The following FAM120B variants were observed in gnomAD, a reference collection of about 807,000 sequenced individuals.
FAM120B encodes constitutive coactivator of peroxisome proliferator-activated receptor gamma.
FAM120B carries 83 observed loss-of-function variants against 96.3 expected under a neutral mutation model. That is an observed-to-expected ratio of 0.86 (90% CI 0.72 to 1.03). The LOEUF is 1.03. FAM120B is among the 50% of genes least tolerant of loss of function. FAM120B has a pLI of 0.00. For missense variants in FAM120B, 1,027 were observed against 1,121.2 expected, an observed-to-expected ratio of 0.92 and a Z score of 1.20; for synonymous variants, 407 against 402.7, an observed-to-expected ratio of 1.01 and a Z score of -0.13.
At chr6:170,403,759 G>A (rs955977358) in intron 9 of FAM120B, among the ~76,000 whole-genome samples, 8 of 152,230 alleles carry the variant, frequency 5.3e-5, no homozygotes, top group African/African-American at 1.4e-4. Flanking sequence ...TCACTTCTCT[G>A]TGGTGATTCT....
intron 1 of FAM120B, among the ~76,000 whole-genome samples, chr6:170,307,593 G>C (rs977096408): frequency 2.0e-5 from 3 of 152,216 alleles, no homozygotes; most frequent in Non-Finnish European, 4.4e-5. Context: ...GAAGGTTTCA[G>C]AGTCTTGACA....
chr6:170,317,972 C>T lies in FAM120B; in HGVS notation c.582C>T (p.Ser194=), dbSNP rs763980124. 1.3e-5 allele frequency: 21 copies of T among 1,613,706 alleles called. No homozygotes were observed. The highest frequency in any genetic ancestry group is 8.8e-5 in the South Asian group (8 of 91,060). The part of the protein sequence containing the change: ...IYDTCPYFSI[S]ELCLESLDTV... Reference sequence around the variant, plus strand: ...ACACTTGTCCCTACTTTTCAATTAGCGAGCTCTGCCTAGAGAGCCTGGACA... The same window carrying T: ...ACACTTGTCCCTACTTTTCAATTAGTGAGCTCTGCCTAGAGAGCCTGGACA... The change falls in exon 2 of 11, where the codon AGC becomes AGT. Residue 194 remains serine, a synonymous_variant. Coordinates refer to ENST00000476287, the MANE Select transcript of FAM120B (RefSeq NM_032448.3).
upstream of FAM120B, among the ~76,000 whole-genome samples, chr6:170,293,167 TGTGCTGGGGGCTGGGGGTGGGGGTGAGGG>T (rs756522272): frequency 3.6e-4 from 55 of 152,120 alleles, no homozygotes; most frequent in Non-Finnish European, 7.6e-4. Flanking sequence ...AGCTGTTCCC[TGTGCTGGGGGCTGGGGGTGGGGGTGAGGG>T]TAGGTGAAAG....
chr6:170,378,602 G>T (rs565138351), intron 6 of FAM120B, among the ~76,000 whole-genome samples: 1 of 152,362 alleles, frequency 6.6e-6, no homozygotes, highest in African/African-American at 2.4e-5. Context: ...GCCTAGAGGG[G>T]GAAGAGACAG....
intron 6 of FAM120B, among the ~76,000 whole-genome samples, chr6:170,359,017 T>G (rs1247114548): frequency 6.6e-6 from 1 of 152,214 alleles, no homozygotes; most frequent in Non-Finnish European, 1.5e-5. Context: ...GGTTATTGGT[T>G]TATCCATAGC....
intron 8 of FAM120B, among the ~76,000 whole-genome samples, chr6:170,394,773 C>T (rs1331672482): frequency 3.3e-5 from 5 of 152,226 alleles, no homozygotes. Flanking sequence ...GCCACTCTTC[C>T]CTCATAGCTA....
rs2115026372 is a variant in FAM120B, at chr6:170,318,820, C to T, written c.1430C>T (p.Thr477Ile). Reference protein sequence around the residue: ...PESRQEVPMYTGPESRQEVLI... With the variant: ...PESRQEVPMYIGPESRQEVLI... ...TCCAGGCAAGAAGTTCCCATGTATA[C>T]AGGCCCTGAATCCAGGCAAGAAGTT... The change falls in exon 2 of 11, where the codon ACA becomes ATA. Residue 477 changes from threonine (T) to isoleucine (I), a missense_variant. Physicochemically the swap from Thr to Ile is moderately conservative, Grantham distance 89. Around this residue, in one of 3 missense-constraint regions of FAM120B, gnomAD observed 880 missense variants for 980.9 expected, o/e 0.90. Coordinates refer to ENST00000476287, the MANE Select transcript of FAM120B (RefSeq NM_032448.3). 6.2e-7 allele frequency: 1 copy of T among 1,614,222 alleles called. No homozygotes were observed. The highest frequency in any genetic ancestry group is 8.5e-7 in the Non-Finnish European group (1 of 1,180,046).
upstream of FAM120B, among the ~76,000 whole-genome samples, chr6:170,293,717 C>T (rs1562501541): frequency 6.6e-6 from 1 of 151,324 alleles, no homozygotes; most frequent in African/African-American, 2.4e-5. Context: ...CACCTCCTTC[C>T]TCTTCTTCCT....
chr6:170,378,831 G>A (rs1435281513), intron 6 of FAM120B, among the ~76,000 whole-genome samples: 1 of 152,224 alleles, frequency 6.6e-6, no homozygotes, highest in Non-Finnish European at 1.5e-5. Flanking sequence ...CCTTTATTTG[G>A]CCACATTAAA....
Position 170,318,249 on chromosome 6 carries a change from A to T in FAM120B, c.859A>T (p.Ile287Leu). Residue 287 changes from isoleucine to leucine, a missense_variant, in exon 2 of 11, where the codon ATA (isoleucine) becomes TTA (leucine). Ile to Leu is a conservative substitution (Grantham distance 5, BLOSUM62 2). Around this residue, in one of 3 missense-constraint regions of FAM120B, gnomAD observed 880 missense variants for 980.9 expected, o/e 0.90. Transcript: ENST00000476287. ...LYQGEKKLEE[I>L]LPLGPNKALF... ...TCAAGGTGAGAAAAAATTAGAAGAGATATTACCTCTGGGACCAAACAAAGC... is the reference window on the plus strand; with the variant it reads ...TCAAGGTGAGAAAAAATTAGAAGAGTTATTACCTCTGGGACCAAACAAAGC... 6.2e-7 allele frequency: 1 copy of T among 1,613,990 alleles called. No individual in the cohort carries two copies. Among genetic ancestry groups the T allele is most frequent in the Non-Finnish European group, 8.5e-7 (1 of 1,179,994 alleles).
In FAM120B at chr6:170,405,043, C is replaced by G. The variant is rs536070690; in HGVS notation, c.*292C>G. On this transcript the variant is annotated 3_prime_UTR_variant, in exon 11 of 11. Coordinates refer to ENST00000476287, the MANE Select transcript of FAM120B (RefSeq NM_032448.3). ...TTTCATTCATATATATGATGCCTAG[C>G]TAATTTCATTTTAAAATAAATGGGA... is the stretch of plus-strand genomic sequence containing the variant. 1.2e-4 allele frequency: 20 copies of G among 160,292 alleles called. No individual in the cohort carries two copies. Among genetic ancestry groups the G allele is most frequent in the Non-Finnish European group, 2.6e-4 (19 of 73,534 alleles). The allele number at this position is 160,292 out of a possible 1,614,324, so 9.9% of individuals were successfully genotyped here.
At chr6:170,400,711 A>G (rs979239691) in intron 9 of FAM120B, among the ~76,000 whole-genome samples, 2 of 152,208 alleles carry the variant, frequency 1.3e-5, no homozygotes, top group African/African-American at 4.8e-5. Flanking sequence ...CTTAATATTT[A>G]TGTCAAACTA....
chr6:170,354,026 A>G (rs1013774389), intron 5 of FAM120B, among the ~76,000 whole-genome samples: 3 of 152,244 alleles, frequency 2.0e-5, no homozygotes, highest in Non-Finnish European at 4.4e-5. Flanking sequence ...AAACTATTCT[A>G]CAAGGCTACC....
intron 6 of FAM120B, among the ~76,000 whole-genome samples, chr6:170,381,209 G>C (rs1789881045): frequency 6.6e-6 from 1 of 152,074 alleles, no homozygotes; most frequent in Admixed American, 6.6e-5. Flanking sequence ...GATAAGGCAG[G>C]GGATATTACT....
intron 1 of FAM120B, among the ~76,000 whole-genome samples, chr6:170,301,381 G>C (rs1784138052): frequency 6.6e-6 from 1 of 152,254 alleles, no homozygotes; most frequent in Non-Finnish European, 1.5e-5. Context: ...CCTGGGCCTT[G>C]CCCAAGAAAC....
At chr6:170,399,314 T>A (rs1216311834) in intron 9 of FAM120B, among the ~76,000 whole-genome samples, 5 of 148,596 alleles carry the variant, frequency 3.4e-5, no homozygotes, top group African/African-American at 1.0e-4. Flanking sequence ...GTCATAACTC[T>A]TAGGAGTGAG....
At chr6:170,367,872 T>C (rs1030939684) in intron 6 of FAM120B, among the ~76,000 whole-genome samples, 15 of 152,216 alleles carry the variant, frequency 9.9e-5, no homozygotes, top group African/African-American at 3.6e-4. Flanking sequence ...TTCCACCTAA[T>C]TCTCCTACAC....
At chr6:170,291,193 T>G (rs1783861476), upstream of FAM120B, 1 of 522,220 alleles carries the variant, frequency 1.9e-6, no homozygotes, top group Non-Finnish European at 3.6e-6. Context: ...AACGCACTCA[T>G]TTACATTCCT....
rs1788063971 is a variant in FAM120B, at chr6:170,357,958, CTGTT to C, written c.2191-264_2191-261del. On this transcript the variant is annotated intron_variant, in intron 5 of 10. Coordinates refer to ENST00000476287, the MANE Select transcript of FAM120B (RefSeq NM_032448.3). ...ACCATGTGTGTGCCTGTGCATGTGCCTGTTTGTGCACCTGTGCGTGTGCCTGTGT... is the reference window on the plus strand; with the variant it reads ...ACCATGTGTGTGCCTGTGCATGTGCCTGTGCACCTGTGCGTGTGCCTGTGT... Among the ~76,000 whole-genome samples, 4 of 152,256 alleles carry C rather than the reference CTGTT, an allele frequency of 2.6e-5. No individual in the cohort carries two copies. In the East Asian group the frequency reaches 7.7e-4, roughly 29 times the overall value.
Sources: allele counts gnomAD v4.1 joint callset (sites outside exome capture counted in the v4.1 genomes callset), GRCh38; gene constraint gnomAD v4.1.1; regional missense constraint gnomAD v4.1.1; transcripts MANE v1.5; gene names NCBI Gene and HGNC (gene_info 2026-07-23, HGNC 2026-07-21).